Variants in PCMTD2 observed in about 807,000 individuals in gnomAD.
PCMTD2 encodes protein-L-isoaspartate (D-aspartate) O-methyltransferase domain containing 2, also known as protein-L-isoaspartate O-methyltransferase domain-containing protein 2.
In PCMTD2, 16 loss-of-function variants were observed where a neutral mutation model predicts 33.4. That is an observed-to-expected ratio of 0.48 (90% CI 0.32 to 0.73). The LOEUF (loss-of-function observed/expected upper bound fraction) is 0.73, where lower values mean the gene tolerates loss of function less well. Among genes scored for constraint, PCMTD2 ranks in the 30% least tolerant of loss-of-function variants. The probability of loss-of-function intolerance (pLI) is 0.03; values close to 1 mark genes in which losing one functional copy is unlikely to be tolerated. For missense variants in PCMTD2, 374 were observed against 449.9 expected (o/e 0.83, Z 1.53); for synonymous variants, 161 against 160.8 (o/e 1.00, Z -0.01).
At chr20:64,258,128 G>A (rs371915406) in intron 1 of PCMTD2, among the ~76,000 whole-genome samples, 14 of 152,324 alleles carry the variant, frequency 9.2e-5, no homozygotes, top group Middle Eastern at 3.4e-3. Flanking sequence ...TGGGTGAAGA[G>A]GTGGCTTTGA....
chr20:64,259,515 A>G (rs975121291), intron 1 of PCMTD2, among the ~76,000 whole-genome samples: 1 of 149,566 alleles, frequency 6.7e-6, no homozygotes, highest in Non-Finnish European at 1.5e-5. Context: ...CAGCCTCGCC[A>G]GTAGCTGGGA....
At chr20:64,265,113 A>G (rs1316246257) in intron 3 of PCMTD2, 145 bp from the exon 4 acceptor site, 2 of 509,102 alleles carry the variant, frequency 3.9e-6, no homozygotes, top group African/African-American at 3.9e-5. Flanking sequence ...ATTCTTGGAC[A>G]TTTGTAATTC....
chr20:64,270,276 G>A (rs1985856962), intron 5 of PCMTD2, among the ~76,000 whole-genome samples: 1 of 148,338 alleles, frequency 6.7e-6, no homozygotes, highest in African/African-American at 2.5e-5. Flanking sequence ...TGTGATGTGG[G>A]GTCATGTGAG....
At chr20:64,258,573 GA>G (rs1358488786) in intron 1 of PCMTD2, among the ~76,000 whole-genome samples, 1 of 152,052 alleles carries the variant, frequency 6.6e-6, no homozygotes, top group African/African-American at 2.4e-5. Flanking sequence ...TCATTCCTGG[GA>G]AAACCTCCCA....
intron 5 of PCMTD2, among the ~76,000 whole-genome samples, chr20:64,268,697 A>G (rs896793146): frequency 1.3e-5 from 2 of 151,638 alleles, no homozygotes; most frequent in African/African-American, 4.9e-5. Context: ...AAAAAATAAT[A>G]GGAAGGGAAA....
At chr20:64,257,110 G>A (rs1424317512) in intron 1 of PCMTD2, 1 of 152,158 alleles carries the variant, frequency 6.6e-6, no homozygotes, top group African/African-American at 2.4e-5. Context: ...TGTGGCTTTG[G>A]GTCCTTTTCC....
At chr20:64,263,391 G>A (rs903496873) in intron 2 of PCMTD2, among the ~76,000 whole-genome samples, 20 of 152,180 alleles carry the variant, frequency 1.3e-4, no homozygotes, top group Admixed American at 5.2e-4. Flanking sequence ...GCTGGTGGCT[G>A]TTGTACTAGG....
chr20:64,273,644 G>C lies in PCMTD2; in HGVS notation c.*44G>C. 6.7e-7 allele frequency: 1 copy of C among 1,499,520 alleles called. No homozygotes were observed. Among genetic ancestry groups the C allele is most frequent in the Non-Finnish European group, 8.9e-7 (1 of 1,124,674 alleles). 92.9% of individuals were successfully genotyped at this position (1,499,520 alleles called of 1,614,324 possible). On this transcript the variant is annotated 3_prime_UTR_variant, in exon 6 of 6. Transcript: ENST00000308824. ...GGAAATAGGAAGAGCAGATTGCTGA[G>C]TGTGAAGTTCGTGCTGCCTGTGTGC...
At chr20:64,272,854 T>C (rs892730739) in intron 5 of PCMTD2, among the ~76,000 whole-genome samples, 5 of 152,196 alleles carry the variant, frequency 3.3e-5, no homozygotes, top group Non-Finnish European at 1.5e-5. Flanking sequence ...TTCACTGTAT[T>C]ACTAGTAGGT....
intron 5 of PCMTD2, among the ~76,000 whole-genome samples, chr20:64,272,635 G>A (rs1364966578): frequency 2.0e-5 from 3 of 152,182 alleles, no homozygotes; most frequent in Non-Finnish European, 2.9e-5. Flanking sequence ...CCTGGCCAAC[G>A]TGGTTGAAAC....
At position 64,267,927 on chromosome 20, in the gene PCMTD2, C is replaced by T; in HGVS notation, c.623C>T (p.Thr208Ile). ...CGCACAGGTCCTTCAGCTTGGGAAA[C>T]CAAAAAGATTCTTGCTGTTTCTTTT... Reference protein sequence around the residue: ...ITRTGPSAWETKKILAVSFAP... With the variant: ...ITRTGPSAWEIKKILAVSFAP... The change falls in exon 5 of 6, where the codon ACC becomes ATC. Residue 208 changes from threonine (T) to isoleucine (I), a missense_variant. By Grantham distance (89) the Thr-to-Ile change is moderately conservative (BLOSUM62 -1). Transcript: ENST00000308824. The T allele has an allele frequency of 6.2e-7, 1 of 1,613,492 alleles. No homozygotes were observed. The highest frequency in any genetic ancestry group is 8.5e-7 in the Non-Finnish European group (1 of 1,179,466).
intron 1 of PCMTD2, among the ~76,000 whole-genome samples, chr20:64,257,759 A>G (rs1985228604): frequency 6.6e-6 from 1 of 152,252 alleles, no homozygotes; most frequent in South Asian, 2.1e-4. Context: ...TGCTGTCTTG[A>G]GTATTTTTAA....
chr20:64,270,766 A>C (rs954635071), intron 5 of PCMTD2, among the ~76,000 whole-genome samples: 7 of 143,528 alleles, frequency 4.9e-5, no homozygotes, highest in Non-Finnish European at 9.1e-5. Context: ...GTTCGTTGTG[A>C]TACGTACAAT....
intron 2 of PCMTD2, 112 bp from the exon 3 acceptor site, chr20:64,264,317 A>C (rs1601742699): frequency 3.2e-6 from 2 of 630,762 alleles, no homozygotes; most frequent in African/African-American, 1.8e-5. Context: ...AACTTTGTGA[A>C]TGTCTGTAGT....
At chr20:64,256,284 C>A (rs150003465) in intron 1 of PCMTD2, among the ~76,000 whole-genome samples, 1 of 152,268 alleles carries the variant, frequency 6.6e-6, no homozygotes, top group East Asian at 1.9e-4. Context: ...ATTGCGCCCC[C>A]CCGCCCCGTG....
chr20:64,265,598 C>T (rs1985623985), intron 4 of PCMTD2, 169 bp downstream of exon 4: 2 of 476,458 alleles, frequency 4.2e-6, no homozygotes, highest in South Asian at 1.1e-4. Flanking sequence ...CTAGCTGGGG[C>T]CAGAAGCTGA....
chr20:64,271,917 A>G (rs958493475), intron 5 of PCMTD2: 11 of 216,668 alleles, frequency 5.1e-5, no homozygotes, highest in Non-Finnish European at 1.1e-4. Flanking sequence ...TGGCTCTGGA[A>G]GTAATCTGTC....
At position 64,259,988 on chromosome 20, in the gene PCMTD2, G is replaced by C. The variant is rs1328565363; in HGVS notation, c.23G>C (p.Gly8Ala). 2.5e-6 allele frequency: 4 copies of C among 1,612,292 alleles called. No homozygotes were observed. The South Asian group carries it at 4.4e-5, about 18-fold the overall frequency. Residue 8 changes from glycine (G) to alanine (A), a missense_variant, in exon 2 of 6, where the codon GGT becomes GCT. Gly to Ala is a moderately conservative substitution (Grantham distance 60). Coordinates refer to ENST00000308824, the MANE Select transcript of PCMTD2 (RefSeq NM_018257.3). MGGAVSAGEDNDELIDNL... is the reference protein window; with the variant it reads MGGAVSAAEDNDELIDNL... ...AACATGGGCGGTGCTGTGAGTGCTG[G>C]TGAAGACAATGATGAGCTGATAGAT...
chr20:64,268,963 A>G (rs1040937039), intron 5 of PCMTD2, among the ~76,000 whole-genome samples: 2 of 152,218 alleles, frequency 1.3e-5, no homozygotes, highest in Non-Finnish European at 2.9e-5. Context: ...TTGGCCTTCA[A>G]GGGCAAAAAG....
Sources: gnomAD v4.1 joint callset for allele counts (sites outside exome capture counted in the v4.1 genomes callset) on GRCh38, gnomAD v4.1.1 for gene constraint, MANE v1.5 for transcripts, NCBI Gene and HGNC (gene_info 2026-07-23, HGNC 2026-07-21) for gene names.